UTRN: variants seen among roughly 807,000 people sequenced by gnomAD.
The protein encoded by UTRN is utrophin, also known as dystrophin-related protein 1.
Under a neutral mutation model 463.9 loss-of-function variants are expected in UTRN, and 283 were observed. That is an observed-to-expected ratio of 0.61 (90% CI 0.55 to 0.67). The LOEUF is 0.67. Ranked by LOEUF, UTRN falls within the 30% of genes least tolerant of loss-of-function variation. The pLI is 0.00. For missense variants in UTRN, 3,922 were observed against 4,084.3 expected, an observed-to-expected ratio of 0.96 and a Z score of 1.08; for synonymous variants, 1,442 against 1,431.5, an observed-to-expected ratio of 1.01 and a Z score of -0.17.
intron 23 of UTRN, among the ~76,000 whole-genome samples, chr6:144,473,242 C>T (rs1005750937): frequency 3.9e-5 from 6 of 152,124 alleles, no homozygotes; most frequent in African/African-American, 1.2e-4. Flanking sequence ...TGGAGCTGAA[C>T]GGGGACTGTC....
chr6:144,846,922 A>G lies in UTRN; in HGVS notation c.10293+95A>G, dbSNP rs9390234. On this transcript the variant is annotated intron_variant, in intron 74 of 74. Coordinates refer to ENST00000367545, the MANE Select transcript of UTRN (RefSeq NM_007124.3). ...TGATTTTATTCCTACTTTATTCTCC[A>G]TGTAAATAAGTAAACTTACTTGACA... The G allele has an allele frequency of 0.055, 81,726 of 1,498,930 alleles. 2,608 individuals are homozygous for G. Among genetic ancestry groups the G allele is most frequent in the East Asian group, 0.14 (6,127 of 43,766 alleles). 92.9% of individuals were successfully genotyped at this position (1,498,930 alleles called of 1,614,324 possible).
At chr6:144,679,084 A>G (rs1283181303) in intron 52 of UTRN, among the ~76,000 whole-genome samples, 1 of 152,120 alleles carries the variant, frequency 6.6e-6, no homozygotes, top group African/African-American at 2.4e-5. Flanking sequence ...TTGCTTAATC[A>G]TGTTGTTTTT....
At chr6:144,375,174 G>A (rs1469131278) in intron 2 of UTRN, among the ~76,000 whole-genome samples, 1 of 151,968 alleles carries the variant, frequency 6.6e-6, no homozygotes, top group Non-Finnish European at 1.5e-5. Flanking sequence ...TGTCCCAGAT[G>A]GACTCTATTC....
Position 144,419,526 on chromosome 6 carries a change from A to C in UTRN, c.142-2352A>C, listed in dbSNP as rs141760888. On this transcript the variant is annotated intron_variant, in intron 3 of 74. Transcript: ENST00000367545. ...TTTAAAAACAGATAGAGGGAGGGGA[A>C]CAAGGGTTGAAAAACTACCTACTGG... Among the ~76,000 whole-genome samples, 1,506 of 152,314 alleles carry C rather than the reference A, an allele frequency of 9.9e-3. 10 individuals carry two copies. Among genetic ancestry groups the C allele is most frequent in the Middle Eastern group, 0.017 (5 of 294 alleles).
At chr6:144,391,060 T>C (rs1171436401) in intron 2 of UTRN, among the ~76,000 whole-genome samples, 1 of 152,134 alleles carries the variant, frequency 6.6e-6, no homozygotes, top group East Asian at 1.9e-4. Context: ...AACAAAGAGT[T>C]GGAAATATTC....
intron 34 of UTRN, among the ~76,000 whole-genome samples, chr6:144,501,625 A>AT (rs1794189754): frequency 6.6e-6 from 1 of 151,882 alleles, no homozygotes; most frequent in African/African-American, 2.4e-5. Context: ...TTCATTCTTA[A>AT]TTTTTTTATT....
At chr6:144,756,353 C>T (rs1791983620) in intron 57 of UTRN, among the ~76,000 whole-genome samples, 1 of 152,102 alleles carries the variant, frequency 6.6e-6, no homozygotes, top group Non-Finnish European at 1.5e-5. Context: ...AGCACATATT[C>T]TTTTGGAAGT....
At position 144,539,407 on chromosome 6, in the gene UTRN, A is replaced by G; in HGVS notation, c.6483A>G (p.Ser2161=). ...SLSLPERDKI[S]ESLRTVNMTW... ...GTTTACCTGAAAGGGATAAAATTTC[A>G]GAAAGCTTAAGGACTGTAAATATGA... Residue 2161 remains serine, a synonymous_variant, in exon 45 of 75, where the codon TCA becomes TCG. Coordinates refer to ENST00000367545, the MANE Select transcript of UTRN (RefSeq NM_007124.3). 1 of 1,613,210 alleles carries G rather than the reference A, an allele frequency of 6.2e-7. No individual in the cohort carries two copies. Among genetic ancestry groups the G allele is most frequent in the Non-Finnish European group, 8.5e-7 (1 of 1,179,580 alleles).
At chr6:144,289,262 C>G (rs1803997911) in intron 1 of UTRN, among the ~76,000 whole-genome samples, 2 of 152,176 alleles carry the variant, frequency 1.3e-5, no homozygotes, top group Non-Finnish European at 2.9e-5. Flanking sequence ...ATTGGGGAGT[C>G]ATTTTGCACA....
At chr6:144,584,989 T>C (rs1250160705) in intron 51 of UTRN, among the ~76,000 whole-genome samples, 1 of 152,124 alleles carries the variant, frequency 6.6e-6, no homozygotes, top group Non-Finnish European at 1.5e-5. Context: ...TATAAAGCTT[T>C]CTTTTTTTTA....
chr6:144,700,960 G>A (rs1198301697), intron 53 of UTRN, among the ~76,000 whole-genome samples: 2 of 150,134 alleles, frequency 1.3e-5, no homozygotes, highest in African/African-American at 4.9e-5. Context: ...AGGCTGGAGT[G>A]CAGTGGCATG....
Position 144,844,549 on chromosome 6 carries a change from G to A in UTRN, c.10271-2256G>A, listed in dbSNP as rs73596377. ...CTCCCAAACCGCTGGGATTACACGCGTGAGCCACCACACCCGGCCCCAATA... is the reference window on the plus strand; with the variant it reads ...CTCCCAAACCGCTGGGATTACACGCATGAGCCACCACACCCGGCCCCAATA... On this transcript the variant is annotated intron_variant, in intron 73 of 74. Transcript: ENST00000367545. Among the ~76,000 whole-genome samples the A allele has an allele frequency of 7.6e-3, 1,160 of 152,160 alleles. 18 individuals are homozygous for A. The highest frequency in any genetic ancestry group is 0.025 in the African/African-American group (1,045 of 41,492).
chr6:144,594,870 G>T (rs1014311692), intron 51 of UTRN, among the ~76,000 whole-genome samples: 1 of 152,042 alleles, frequency 6.6e-6, no homozygotes, highest in African/African-American at 2.4e-5. Flanking sequence ...GAAACCATGG[G>T]ATTAGGTAAA....
intron 51 of UTRN, among the ~76,000 whole-genome samples, chr6:144,613,494 T>C (rs887855926): frequency 6.6e-6 from 1 of 152,094 alleles, no homozygotes. Flanking sequence ...TGTACCACTA[T>C]GGTTTTTCAA....
chr6:144,726,710 G>C (rs1787916366), intron 53 of UTRN, among the ~76,000 whole-genome samples: 1 of 152,194 alleles, frequency 6.6e-6, no homozygotes, highest in South Asian at 2.1e-4. Context: ...CATTCAATAA[G>C]GTAGGTGGGT....
At chr6:144,363,035 A>G (rs981562611) in intron 2 of UTRN, among the ~76,000 whole-genome samples, 4 of 152,206 alleles carry the variant, frequency 2.6e-5, no homozygotes, top group African/African-American at 4.8e-5. Context: ...GCTATTTGAA[A>G]TATGATTTTG....
At chr6:144,550,907 T>C in intron 47 of UTRN, 58 bp from the exon 48 acceptor site, 1 of 1,432,344 alleles carries the variant, frequency 7.0e-7, no homozygotes, top group Admixed American at 2.4e-5. Context: ...ACTGTTTTGC[T>C]TATTATTCTT....
intron 63 of UTRN, among the ~76,000 whole-genome samples, chr6:144,795,626 T>C (rs1460136511): frequency 6.6e-6 from 1 of 152,222 alleles, no homozygotes; most frequent in Non-Finnish European, 1.5e-5. Flanking sequence ...TGACCAGTGA[T>C]GATGAGCTTT....
In UTRN at chr6:144,364,872, T is replaced by C. The variant is rs78704697; in HGVS notation, c.80-38251T>C. On this transcript the variant is annotated intron_variant, in intron 2 of 74. Coordinates refer to ENST00000367545, the MANE Select transcript of UTRN (RefSeq NM_007124.3). ...AACCAACAGTGGTGGGCTGAGTCCT[T>C]CTCATGTGGCTCGTTGCTCGCTCTG... Among the ~76,000 whole-genome samples the C allele has an allele frequency of 6.4e-3, 982 of 152,284 alleles. 37 individuals are homozygous for C. In the East Asian group the frequency reaches 0.11, roughly 17 times the overall value.
Sources: gnomAD v4.1 joint callset for allele counts (sites outside exome capture counted in the v4.1 genomes callset) on GRCh38, gnomAD v4.1.1 for gene constraint, MANE v1.5 for transcripts, NCBI Gene and HGNC (gene_info 2026-07-23, HGNC 2026-07-21) for gene names.